Variants in MRPL19 observed in about 807,000 individuals in gnomAD.
MRPL19 encodes mitochondrial ribosomal protein L19, also known as large ribosomal subunit protein bL19m.
A neutral mutation model predicts 34.0 loss-of-function variants in MRPL19; 31 were observed. The observed-to-expected ratio is 0.91, with a 90% CI of 0.68 to 1.23. MRPL19 has a LOEUF of 1.23. Ranked by LOEUF, MRPL19 falls within the 50% of genes most tolerant of loss-of-function variation. The probability of loss-of-function intolerance (pLI) is 0.00; values close to 1 mark genes in which losing one functional copy is unlikely to be tolerated. For missense variants in MRPL19, 384 were observed against 367.6 expected (o/e 1.04, Z -0.37); for synonymous variants, 152 against 127.7 (o/e 1.19, Z -1.28).
At chr2:75,654,521 A>T (rs990145804) in intron 4 of MRPL19, among the ~76,000 whole-genome samples, 1 of 151,794 alleles carries the variant, frequency 6.6e-6, no homozygotes, top group African/African-American at 2.4e-5. Flanking sequence ...TTAGACTATC[A>T]TTCCAATTCA....
At position 75,655,349 on chromosome 2, in the gene MRPL19, C is replaced by A; in HGVS notation, c.*64C>A. On this transcript the variant is annotated 3_prime_UTR_variant, in exon 6 of 6. Coordinates refer to ENST00000393909, the MANE Select transcript of MRPL19 (RefSeq NM_014763.4). ...GGCTCTAAGAGGATATATTTTGAGACCAATTTAATTTCATTTATAAGAACA... is the reference window on the plus strand; with the variant it reads ...GGCTCTAAGAGGATATATTTTGAGAACAATTTAATTTCATTTATAAGAACA... 8.6e-7 allele frequency: 1 copy of A among 1,169,016 alleles called. No individual in the cohort carries two copies. The highest frequency in any genetic ancestry group is 1.2e-6 in the Non-Finnish European group (1 of 813,560). The allele number at this position is 1,169,016 out of a possible 1,614,324, so 72.4% of individuals were successfully genotyped here.
At chr2:75,648,182 C>T (rs1331972685) in intron 2 of MRPL19, among the ~76,000 whole-genome samples, 1 of 152,004 alleles carries the variant, frequency 6.6e-6, no homozygotes, top group Non-Finnish European at 1.5e-5. Context: ...TGGAATATCT[C>T]TTTTAAACAG....
chr2:75,646,822 T>A lies in MRPL19; in HGVS notation c.15T>A (p.Ile5=). The A allele has an allele frequency of 6.4e-7, 1 of 1,556,080 alleles. No individual in the cohort carries two copies. Among genetic ancestry groups the A allele is most frequent in the Middle Eastern group, 1.7e-4 (1 of 5,868 alleles). Residue 5 remains isoleucine (I), a synonymous_variant, in exon 1 of 6, where the codon ATT becomes ATA. Transcript: ENST00000393909. The part of the protein sequence containing the change: MAAC[I]AAGHWAAMGL... ...AGCTAGCTGGCATGGCGGCCTGCATTGCAGCGGGGCACTGGGCTGCAATGG... is the reference window on the plus strand; with the variant it reads ...AGCTAGCTGGCATGGCGGCCTGCATAGCAGCGGGGCACTGGGCTGCAATGG...
At chr2:75,651,061 G>A (rs529462597) in intron 2 of MRPL19, among the ~76,000 whole-genome samples, 29 of 152,240 alleles carry the variant, frequency 1.9e-4, no homozygotes, top group South Asian at 6.2e-4. Context: ...AAAGGGAGAG[G>A]GAGGCAAGGA....
chr2:75,647,240 TA>T (rs1182979960), intron 2 of MRPL19, 21 bp downstream of exon 2: 2 of 1,561,366 alleles, frequency 1.3e-6, no homozygotes, highest in East Asian at 4.7e-5. Flanking sequence ...GCCCTGGCGC[TA>T]GGCCGGCAAC....
intron 2 of MRPL19, among the ~76,000 whole-genome samples, chr2:75,648,514 TA>T (rs946058155): frequency 2.6e-5 from 4 of 151,964 alleles, no homozygotes; most frequent in Admixed American, 1.3e-4. Flanking sequence ...AATCTGTGTG[TA>T]AAAAAAACCT....
rs1046797697 is a variant in MRPL19 at position 75,657,452 on chromosome 2, A to G, written c.*2167A>G. On this transcript the variant is annotated 3_prime_UTR_variant, in exon 6 of 6. Transcript: ENST00000393909. ...TCCTTGATCTTTTTCACTAATGATTATATAGTCATCTAACTACTGTCAACA... is the reference window on the plus strand; with the variant it reads ...TCCTTGATCTTTTTCACTAATGATTGTATAGTCATCTAACTACTGTCAACA... The G allele has an allele frequency of 3.9e-5, 6 of 152,170 alleles. No individual in the cohort carries two copies. Among genetic ancestry groups the G allele is most frequent in the Non-Finnish European group, 8.8e-5 (6 of 68,018 alleles). 9.4% of individuals were successfully genotyped at this position (152,170 alleles called of 1,614,324 possible). A position where few individuals can be genotyped will look rare whatever the true frequency, so the allele number is the denominator to read the frequency against.
rs1292692803 is a variant in MRPL19 at position 75,655,882 on chromosome 2, A to G, written c.*597A>G. 2.4e-5 allele frequency: 1 copy of G among 41,390 alleles called. No individual in the cohort carries two copies. The highest frequency in any genetic ancestry group is 4.2e-5 in the Non-Finnish European group (1 of 23,536). 2.6% of individuals were successfully genotyped at this position (41,390 alleles called of 1,614,324 possible). A position where few individuals can be genotyped will look rare whatever the true frequency, so the allele number is the denominator to read the frequency against. On this transcript the variant is annotated 3_prime_UTR_variant, in exon 6 of 6. Coordinates refer to ENST00000393909, the MANE Select transcript of MRPL19 (RefSeq NM_014763.4). ...AATATATTTAATTTTGAAAAACCTG[A>G]AAAAAAAAACCTGTTAGCAAGTATA... is the stretch of plus-strand genomic sequence containing the variant.
At chr2:75,649,583 T>C (rs549375543) in intron 2 of MRPL19, among the ~76,000 whole-genome samples, 1 of 152,344 alleles carries the variant, frequency 6.6e-6, no homozygotes, top group South Asian at 2.1e-4. Flanking sequence ...CGTGATAATA[T>C]AGGAGCAAGT....
chr2:75,651,003 T>A (rs1240840344), intron 2 of MRPL19, among the ~76,000 whole-genome samples: 1 of 152,126 alleles, frequency 6.6e-6, no homozygotes, highest in Admixed American at 6.5e-5. Flanking sequence ...CCTCTGCTGT[T>A]CTGGGAAGAT....
At chr2:75,652,003 T>C in intron 2 of MRPL19, 139 bp from the exon 3 acceptor site, 1 of 527,588 alleles carries the variant, frequency 1.9e-6, no homozygotes, top group East Asian at 3.2e-5. Flanking sequence ...TTAACAATTT[T>C]AGAAATAAGA....
chr2:75,647,156 C>T lies in MRPL19; in HGVS notation c.158C>T (p.Ala53Val). 1 of 1,577,252 alleles carries T rather than the reference C, an allele frequency of 6.3e-7. No homozygotes were observed. Among genetic ancestry groups the T allele is most frequent in the Non-Finnish European group, 8.6e-7 (1 of 1,160,888 alleles). ...QQSTGPSEPG[A>V]FQPPPKPVIV... ...AGCACTGGGCCTTCCGAGCCCGGTG[C>T]GTTCCAACCGCCGCCGAAACCGGTC... Residue 53 changes from alanine (A) to valine (V), a missense_variant, in exon 2 of 6, where the codon GCG (alanine) becomes GTG (valine). Ala to Val is a moderately conservative substitution (Grantham distance 64). Transcript: ENST00000393909.
intron 2 of MRPL19, chr2:75,651,338 C>T (rs1428469606): frequency 1.3e-5 from 7 of 529,004 alleles, no homozygotes; most frequent in African/African-American, 3.9e-5. Context: ...AGCTCCTACA[C>T]GATTCCTTGG....
Position 75,654,749 on chromosome 2 carries a change from C to G in MRPL19, c.489C>G (p.Cys163Trp). 6.2e-7 allele frequency: 1 copy of G among 1,613,574 alleles called. No homozygotes were observed. Among genetic ancestry groups the G allele is most frequent in the South Asian group, 1.1e-5 (1 of 91,054 alleles). Residue 163 changes from cysteine to tryptophan, a missense_variant, in exon 5 of 6, where the codon TGC becomes TGG. Coordinates refer to ENST00000393909, the MANE Select transcript of MRPL19 (RefSeq NM_014763.4). The stretch of plus-strand genomic sequence containing the variant: ...TGTTCTATTTAGGTGTCGAGATTTG[C>G]TTTGAACTTTATAATCCTCGGGTCC... ...NVIEGQGVEI[C>W]FELYNPRVQE...
chr2:75,652,385 GTATT>G (rs1678351910), intron 3 of MRPL19, 125 bp downstream of exon 3: 4 of 1,303,820 alleles, frequency 3.1e-6, no homozygotes, highest in South Asian at 1.3e-5. Flanking sequence ...CTCATATGAA[GTATT>G]TATTCCTACA....
chr2:75,661,941 TA>T lies in MRPL19; in HGVS notation c.*6657del. ...CATCCTTGCTTTAATATTTCACCAT[TA>T]TATATGATGTTAGGTATAGATTTTT... On this transcript the variant is annotated 3_prime_UTR_variant, in exon 6 of 6. Coordinates refer to ENST00000393909, the MANE Select transcript of MRPL19 (RefSeq NM_014763.4). 6.6e-6 allele frequency: 1 copy of T among 152,232 alleles called. No individual in the cohort carries two copies. Among genetic ancestry groups the T allele is most frequent in the East Asian group, 1.9e-4 (1 of 5,194 alleles). 9.4% of individuals were successfully genotyped at this position (152,232 alleles called of 1,614,324 possible). A position where few individuals can be genotyped will look rare whatever the true frequency, so the allele number is the denominator to read the frequency against.
intron 4 of MRPL19, among the ~76,000 whole-genome samples, chr2:75,653,202 C>G (rs1220805677): frequency 6.6e-6 from 1 of 152,158 alleles, no homozygotes; most frequent in East Asian, 1.9e-4. Context: ...ATGGCAGGAA[C>G]AATTACGTTT....
At chr2:75,652,056 C>T in intron 2 of MRPL19, 86 bp from the exon 3 acceptor site, 1 of 705,378 alleles carries the variant, frequency 1.4e-6, no homozygotes, top group Non-Finnish European at 2.3e-6. Flanking sequence ...ACATCAATAT[C>T]ATATTTAATT....
intron 2 of MRPL19, among the ~76,000 whole-genome samples, chr2:75,650,032 T>A (rs999735175): frequency 1.3e-5 from 2 of 152,216 alleles, no homozygotes; most frequent in African/African-American, 4.8e-5. Context: ...CTACAGGTGT[T>A]CATTGTATTA....
Sources: allele counts gnomAD v4.1 joint callset (sites outside exome capture counted in the v4.1 genomes callset), GRCh38; gene constraint gnomAD v4.1.1; transcripts MANE v1.5; gene names NCBI Gene and HGNC (gene_info 2026-07-23, HGNC 2026-07-21).